Variants in SH3GL3 observed in about 807,000 individuals in gnomAD.
SH3GL3 encodes SH3 domain containing GRB2 like 3, endophilin A3.
Under a neutral mutation model 47.7 loss-of-function variants are expected in SH3GL3, and 33 were observed. The ratio of observed to expected loss-of-function variants is 0.69; its 90% CI spans 0.52 to 0.92. The LOEUF (loss-of-function observed/expected upper bound fraction) is 0.92. Among genes scored for constraint, SH3GL3 ranks in the 40% least tolerant of loss-of-function variants. SH3GL3 has a pLI of 0.00. For missense variants in SH3GL3, 363 were observed against 417.8 expected (o/e 0.87, Z 1.14); for synonymous variants, 155 against 148.8 (o/e 1.04, Z -0.30).
the SH3GL3 span, among the ~76,000 whole-genome samples, chr15:83,623,989 G>A: frequency 6.6e-6 from 1 of 152,102 alleles, no homozygotes; most frequent in Non-Finnish European, 1.5e-5. Context: ...GTTTCACCAT[G>A]TTGGCCAGGC....
rs567553228 is a variant in SH3GL3 at position 83,482,955 on chromosome 15, G to A, written c.45+35377G>A. Among the ~76,000 whole-genome samples the A allele has an allele frequency of 1.4e-4, 21 of 152,212 alleles. No individual in the cohort carries two copies. The South Asian group carries it at 4.4e-3, about 32-fold the overall frequency. ...TGATCTCAATTTGTCCTTCTTCCAG[G>A]GGGCAATGCCATCAAGAATCCAACC... On this transcript the variant is annotated intron_variant, in intron 1 of 8. Coordinates refer to ENST00000427482, the MANE Select transcript of SH3GL3 (RefSeq NM_003027.5).
chr15:83,476,263 T>C (rs1469053560), intron 1 of SH3GL3, among the ~76,000 whole-genome samples: 1 of 152,218 alleles, frequency 6.6e-6, no homozygotes, highest in African/African-American at 2.4e-5. Context: ...AAGAGCAGGC[T>C]TGTGTGATTC....
intron 1 of SH3GL3, among the ~76,000 whole-genome samples, chr15:83,544,933 G>A (rs1370561666): frequency 6.6e-6 from 1 of 151,848 alleles, no homozygotes; most frequent in Non-Finnish European, 1.5e-5. Context: ...CTTTTATCTT[G>A]CTGCTTTTAG....
chr15:83,626,069 T>A, the SH3GL3 span, among the ~76,000 whole-genome samples: 1 of 152,194 alleles, frequency 6.6e-6, no homozygotes, highest in African/African-American at 2.4e-5. Flanking sequence ...TGACCTCAGG[T>A]GATCTGCCCG....
At chr15:83,604,720 T>C (rs1272212800) in intron 8 of SH3GL3, among the ~76,000 whole-genome samples, 2 of 152,200 alleles carry the variant, frequency 1.3e-5, no homozygotes. Context: ...CTATTTTTAG[T>C]CCCCATTTTA....
At position 83,576,761 on chromosome 15, in the gene SH3GL3, A is replaced by G; in HGVS notation, c.624+20A>G. ...AATGATGTAAGTATTTAAACCAAAT[A>G]GGAGATTTTAATGTAAATGAATGAA... is the stretch of plus-strand genomic sequence containing the variant. On this transcript the variant is annotated intron_variant, in intron 6 of 8. Coordinates refer to ENST00000427482, the MANE Select transcript of SH3GL3 (RefSeq NM_003027.5). 1 of 1,508,718 alleles carries G rather than the reference A, an allele frequency of 6.6e-7. No individual in the cohort carries two copies. The allele number at this position is 1,508,718 out of a possible 1,614,324, so 93.5% of individuals were successfully genotyped here.
chr15:83,526,736 T>C (rs186826900), intron 1 of SH3GL3, among the ~76,000 whole-genome samples: 1 of 152,220 alleles, frequency 6.6e-6, no homozygotes, highest in East Asian at 1.9e-4. Context: ...ACTTGGGTGA[T>C]GAAATAATCT....
At chr15:83,593,582 C>T (rs181580969) in intron 8 of SH3GL3, among the ~76,000 whole-genome samples, 1 of 152,118 alleles carries the variant, frequency 6.6e-6, no homozygotes, top group Admixed American at 6.5e-5. Flanking sequence ...CATCTTAGGT[C>T]TAGTAGTTTT....
chr15:83,503,360 T>C (rs1220049445), intron 1 of SH3GL3, among the ~76,000 whole-genome samples: 3 of 152,198 alleles, frequency 2.0e-5, no homozygotes, highest in Non-Finnish European at 4.4e-5. Flanking sequence ...ATGATTTTTC[T>C]ATGAGAATAT....
chr15:83,609,113 C>T (rs952132918), intron 8 of SH3GL3, among the ~76,000 whole-genome samples: 1 of 152,188 alleles, frequency 6.6e-6, no homozygotes, highest in Non-Finnish European at 1.5e-5. Flanking sequence ...ATTTCGTCAT[C>T]TGACGAGTGC....
intron 6 of SH3GL3, among the ~76,000 whole-genome samples, chr15:83,579,264 G>A (rs759382030): frequency 3.4e-4 from 51 of 152,194 alleles, no homozygotes; most frequent in Non-Finnish European, 6.6e-4. Flanking sequence ...GCCTTGCTCC[G>A]GCCTGGTTGC....
In SH3GL3 at chr15:83,447,504, A is replaced by T; in HGVS notation, c.-30A>T. On this transcript the variant is annotated 5_prime_UTR_variant, in exon 1 of 9. Transcript: ENST00000427482. This position sits in a 1 kb window ranked among gnomAD's most constrained non-coding sequence, Gnocchi z 5.1. ...CCGCGTGGCCCAGCCGAGCCTTGAG[A>T]CCACCCCGCCCCTGCCGGTCGCAGT... The T allele has an allele frequency of 6.7e-7, 1 of 1,489,770 alleles. No homozygotes were observed. Among genetic ancestry groups the T allele is most frequent in the Non-Finnish European group, 8.9e-7 (1 of 1,117,504 alleles). 92.3% of individuals were successfully genotyped at this position (1,489,770 alleles called of 1,614,324 possible). A position where few individuals can be genotyped will look rare whatever the true frequency, so the allele number is the denominator to read the frequency against.
chr15:83,596,008 C>T (rs775195431), intron 8 of SH3GL3, among the ~76,000 whole-genome samples: 6 of 152,060 alleles, frequency 3.9e-5, no homozygotes, highest in African/African-American at 4.8e-5. Context: ...ATGTGTTTAG[C>T]GCTATCAATT....
intron 5 of SH3GL3, among the ~76,000 whole-genome samples, chr15:83,573,274 G>A (rs148344085): frequency 1.5e-3 from 222 of 152,294 alleles, no homozygotes; most frequent in African/African-American, 4.9e-3. Context: ...TACAAGCACC[G>A]TCTTATGGAT....
chr15:83,456,663 C>T (rs905966155), intron 1 of SH3GL3, among the ~76,000 whole-genome samples: 16 of 142,306 alleles, frequency 1.1e-4, no homozygotes, highest in East Asian at 4.3e-4. Context: ...CGCCCTGCTT[C>T]GGCTCGCGCA....
chr15:83,490,813 C>G (rs1486023340), intron 1 of SH3GL3: 1 of 1,614,074 alleles, frequency 6.2e-7, no homozygotes, highest in Non-Finnish European at 8.5e-7. Context: ...TGAGGACTCT[C>G]TTAAATCAGA....
the SH3GL3 span, among the ~76,000 whole-genome samples, chr15:83,632,059 G>A: frequency 6.6e-6 from 1 of 152,094 alleles, no homozygotes; most frequent in Non-Finnish European, 1.5e-5. Flanking sequence ...TCTAGGGCAG[G>A]GGTAAAATGC....
rs371130687 is a variant in SH3GL3 at position 83,602,353 on chromosome 15, T to G, written c.838+13582T>G. Among the ~76,000 whole-genome samples the G allele has an allele frequency of 1.9e-4, 29 of 152,288 alleles. No individual in the cohort carries two copies. The East Asian group carries it at 5.4e-3, about 28-fold the overall frequency. On this transcript the variant is annotated intron_variant, in intron 8 of 8. Transcript: ENST00000427482. ...CTGTAACAAAATACCTTAGACTGGG[T>G]AGCTTTTACTTACAGTCTGGAGGCT...
rs184994873 is a variant in SH3GL3, at chr15:83,490,126, C to G, written c.45+42548C>G. On this transcript the variant is annotated intron_variant, in intron 1 of 8. Coordinates refer to ENST00000427482, the MANE Select transcript of SH3GL3 (RefSeq NM_003027.5). ...GAAGGTTGTTGACCTTGTGTGGGAACCAACCTCAGGGGGATGGATGAGGTT... is the reference window on the plus strand; with the variant it reads ...GAAGGTTGTTGACCTTGTGTGGGAAGCAACCTCAGGGGGATGGATGAGGTT... Among the ~76,000 whole-genome samples, 171 of 152,194 alleles carry G rather than the reference C, an allele frequency of 1.1e-3. 2 individuals carry two copies. Among genetic ancestry groups the G allele is most frequent in the African/African-American group, 3.9e-3 (160 of 41,524 alleles).
Sources: gnomAD v4.1 joint callset for allele counts (sites outside exome capture counted in the v4.1 genomes callset) on GRCh38, gnomAD v4.1.1 for gene constraint, Gnocchi (gnomAD v3.1) non-coding constraint, MANE v1.5 for transcripts, NCBI Gene and HGNC (gene_info 2026-07-23, HGNC 2026-07-21) for gene names.